Variants in JMJD1C observed in about 807,000 individuals in gnomAD.
JMJD1C encodes the protein jumonji domain-containing protein 1C.
A neutral mutation model predicts 245.3 loss-of-function variants in JMJD1C; 31 were observed. The observed-to-expected ratio is 0.13, with a 90% CI of 0.09 to 0.17. The LOEUF (loss-of-function observed/expected upper bound fraction) is 0.17. JMJD1C is among the 10% of genes least tolerant of loss of function. JMJD1C has a pLI of 1.00. For synonymous variants in JMJD1C, 1,057 were observed against 1,017.4 expected (o/e 1.04, Z -0.74); for missense variants, 2,691 against 3,000.2 (o/e 0.90, Z 2.41).
intron 2 of JMJD1C, among the ~76,000 whole-genome samples, chr10:63,317,917 T>A (rs1940301301): frequency 6.6e-6 from 1 of 152,154 alleles, no homozygotes; most frequent in Non-Finnish European, 1.5e-5. Flanking sequence ...CGATCACGGC[T>A]CACTGCCACT....
intron 1 of JMJD1C, among the ~76,000 whole-genome samples, chr10:63,484,216 G>A (rs1953912649): frequency 2.1e-5 from 1 of 46,908 alleles, no homozygotes; most frequent in Admixed American, 2.9e-4. Context: ...ATGGATGGAT[G>A]GATGGATGGA....
At chr10:63,326,886 A>C (rs1465779164) in intron 2 of JMJD1C, among the ~76,000 whole-genome samples, 1 of 151,722 alleles carries the variant, frequency 6.6e-6, no homozygotes, top group Non-Finnish European at 1.5e-5. Context: ...TCTCAAAACA[A>C]AAAACAAACA....
At chr10:63,511,171 T>C (rs537082471) in intron 1 of JMJD1C, among the ~76,000 whole-genome samples, 2 of 152,356 alleles carry the variant, frequency 1.3e-5, no homozygotes, top group East Asian at 1.9e-4. Context: ...ACAGTGATTA[T>C]TGATATAGTC....
intron 2 of JMJD1C, among the ~76,000 whole-genome samples, chr10:63,319,118 G>A (rs1180880561): frequency 2.6e-5 from 4 of 151,800 alleles, no homozygotes; most frequent in Admixed American, 2.6e-4. Flanking sequence ...AAATTAGCCG[G>A]GTGTGGTGGT....
chr10:63,192,005 A>C (rs1250118602), intron 16 of JMJD1C, among the ~76,000 whole-genome samples: 27 of 148,052 alleles, frequency 1.8e-4, no homozygotes, highest in South Asian at 4.4e-4. Context: ...AAAAAAAAAA[A>C]AAAACACAAA....
At chr10:63,272,139 T>C (rs914285718) in intron 2 of JMJD1C, among the ~76,000 whole-genome samples, 1 of 151,752 alleles carries the variant, frequency 6.6e-6, no homozygotes, top group Admixed American at 6.6e-5. Flanking sequence ...TATGATGAAC[T>C]TGCACTTATA....
intron 1 of JMJD1C, among the ~76,000 whole-genome samples, chr10:63,429,010 C>T (rs531196250): frequency 6.6e-6 from 1 of 152,164 alleles, no homozygotes; most frequent in Admixed American, 6.5e-5. Flanking sequence ...CACGGAATTT[C>T]ACTCTTGTTA....
intron 2 of JMJD1C, among the ~76,000 whole-genome samples, chr10:63,348,187 C>T (rs1944018104): frequency 8.0e-6 from 1 of 125,774 alleles, no homozygotes; most frequent in African/African-American, 3.1e-5. Context: ...GCCTGGGGGA[C>T]AGAGCGAGAC....
intron 1 of JMJD1C, among the ~76,000 whole-genome samples, chr10:63,512,414 G>C (rs772607814): frequency 1.3e-4 from 19 of 151,616 alleles, no homozygotes; most frequent in East Asian, 1.9e-4. Flanking sequence ...TTTTCACTTT[G>C]AGTAAGTCTT....
chr10:63,341,490 G>A (rs753175202), intron 2 of JMJD1C, among the ~76,000 whole-genome samples: 75 of 152,180 alleles, frequency 4.9e-4, no homozygotes, highest in Non-Finnish European at 4.4e-4. Flanking sequence ...CACTTCCTAT[G>A]ACAGGCAAAA....
chr10:63,459,891 A>G (rs1952664309), intron 1 of JMJD1C, among the ~76,000 whole-genome samples: 1 of 152,210 alleles, frequency 6.6e-6, no homozygotes, highest in African/African-American at 2.4e-5. Flanking sequence ...TAGGATTCAG[A>G]AAAAGTTTGG....
In JMJD1C at chr10:63,521,841, C is replaced by T. The variant is rs1389713006; in HGVS notation, n.10G>A. The T allele has an allele frequency of 7.6e-5, 5 of 65,642 alleles. No individual in the cohort carries two copies. The East Asian group carries it at 8.0e-4, about 11-fold the overall frequency. The allele number at this position is 65,642 out of a possible 1,614,324, so 4.1% of individuals were successfully genotyped here. ...GGCTGTGGCGCTGCTCGGCTGCGTG[C>T]GGTGCGGCGCGGCGCCCCTGCTCCG... On this transcript the variant is annotated non_coding_transcript_exon_variant, in exon 1 of 4. Transcript: ENST00000633035.
chr10:63,234,493 T>TAAAAAAAAAAAAAAAAAAAAAAAAAAAAA (rs71025129), intron 3 of JMJD1C, among the ~76,000 whole-genome samples: 2 of 37,034 alleles, frequency 5.4e-5, no homozygotes, highest in African/African-American at 2.2e-4. Context: ...AACCTCCTCT[T>TAAAAAAAAAAAAAAAAAAAAAAAAAAAAA]AAAAAAAAAA....
In JMJD1C at chr10:63,246,776, A is replaced by C. The variant is rs1564675730; in HGVS notation, c.447+17875T>G. ...TCTGACCACAACAGAATAAACCTAG[A>C]AATCAGTAGCAAGGGAAACCTCTGA... On this transcript the variant is annotated intron_variant, in intron 3 of 25. Transcript: ENST00000399262. Among the ~76,000 whole-genome samples the C allele has an allele frequency of 2.0e-5, 3 of 152,336 alleles. No homozygotes were observed. In the East Asian group the frequency reaches 5.8e-4, roughly 29 times the overall value.
chr10:63,243,651 A>C (rs1395623968), intron 3 of JMJD1C, among the ~76,000 whole-genome samples: 28 of 151,154 alleles, frequency 1.9e-4, no homozygotes, highest in Admixed American at 1.8e-3. Flanking sequence ...CAGCCAAATT[A>C]AATTGATAAA....
intron 2 of JMJD1C, among the ~76,000 whole-genome samples, chr10:63,290,019 C>T (rs1858453456): frequency 1.3e-5 from 2 of 151,742 alleles, no homozygotes; most frequent in East Asian, 3.9e-4. Context: ...ACAATACAGC[C>T]TACATCAAAT....
intron 2 of JMJD1C, among the ~76,000 whole-genome samples, chr10:63,367,279 C>T (rs868077972): frequency 1.3e-5 from 2 of 152,050 alleles, no homozygotes; most frequent in South Asian, 4.2e-4. Flanking sequence ...GATAGAGTTT[C>T]ATTCTTATTG....
At chr10:63,274,699 T>G (rs896147718) in intron 2 of JMJD1C, among the ~76,000 whole-genome samples, 3 of 152,220 alleles carry the variant, frequency 2.0e-5, no homozygotes, top group Admixed American at 6.5e-5. Context: ...GATATGGACC[T>G]TAAGACTTTT....
chr10:63,219,762 C>T (rs1264129913), intron 4 of JMJD1C, 116 bp downstream of exon 4: 5 of 606,250 alleles, frequency 8.2e-6, no homozygotes, highest in African/African-American at 1.8e-5. Context: ...ATGTATATAA[C>T]TCAAAATATT....
Sources: gnomAD v4.1 joint callset for allele counts (sites outside exome capture counted in the v4.1 genomes callset) on GRCh38, gnomAD v4.1.1 for gene constraint, MANE v1.5 for transcripts, NCBI Gene and HGNC (gene_info 2026-07-23, HGNC 2026-07-21) for gene names.